The following ADAMTSL4 variants were observed in gnomAD, a reference collection of about 807,000 sequenced individuals.
The protein encoded by ADAMTSL4 is ADAMTS-like protein 4.
ADAMTSL4 carries 97 observed loss-of-function variants against 122.8 expected under a neutral mutation model. That is an observed-to-expected ratio of 0.79 (90% CI 0.67 to 0.93). ADAMTSL4 has a LOEUF of 0.93. Ranked by LOEUF, ADAMTSL4 falls within the 40% of genes least tolerant of loss-of-function variation. The pLI is 0.00. For missense variants in ADAMTSL4, 1,408 were observed against 1,453.5 expected (o/e 0.97, Z 0.51); for synonymous variants, 592 against 568.0 (o/e 1.04, Z -0.60).
rs1301430447 is a variant in ADAMTSL4, at chr1:150,554,924, G to A, written c.1234+457G>A. ...TGAACACACAGAATCATGGGCATCA[G>A]GGATTGCTCCTCTCTCAGTTCAGAG... On this transcript the variant is annotated intron_variant, in intron 7 of 18. Coordinates refer to ENST00000271643, the MANE Select transcript of ADAMTSL4 (RefSeq NM_019032.6). The surrounding 1 kb of genome is among the most constrained non-coding windows in gnomAD (Gnocchi z 4.0). 6.6e-6 allele frequency among the ~76,000 whole-genome samples: 1 copy of A among 151,586 alleles called. No individual in the cohort carries two copies. Among genetic ancestry groups the A allele is most frequent in the Non-Finnish European group, 1.5e-5 (1 of 67,940 alleles).
chr1:150,557,343 A>T lies in ADAMTSL4; in HGVS notation c.2047+8A>T. On this transcript the variant is annotated splice_region_variant and intron_variant, in intron 12 of 18. Transcript: ENST00000271643. ...CAGCGTCCTGCGGGAAAGGTGAGAC[A>T]TCACAGTGCGTTCCCCGCATCTCGG... The T allele has an allele frequency of 6.2e-7, 1 of 1,609,014 alleles. No individual in the cohort carries two copies. The highest frequency in any genetic ancestry group is 8.5e-7 in the Non-Finnish European group (1 of 1,178,128).
At chr1:150,555,220 C>T (rs1202738997) in intron 7 of ADAMTSL4, among the ~76,000 whole-genome samples, 1 of 152,088 alleles carries the variant, frequency 6.6e-6, no homozygotes, top group African/African-American at 2.4e-5. Flanking sequence ...GAACTCCTGA[C>T]CGAATGATGC....
Position 150,553,807 on chromosome 1 carries a change from T to C in ADAMTSL4, c.816T>C (p.Gly272=). ...CACCCACGCACTCCTTAGGAGAAGG[T>C]GGCTTCTTCCGTGCATCCCCTCAGC... is the stretch of plus-strand genomic sequence containing the variant. ...PPSPTHSLGE[G]GFFRASPQPR... Residue 272 remains glycine (G), a synonymous_variant, in exon 6 of 19, where the codon GGT becomes GGC. Transcript: ENST00000271643. 6.2e-7 allele frequency: 1 copy of C among 1,613,910 alleles called. No individual in the cohort carries two copies.
At position 150,553,850 on chromosome 1, in the gene ADAMTSL4, C is replaced by T; in HGVS notation, c.859C>T (p.Gln287Ter). Residue 287 changes from glutamine (Q) to a stop codon, truncating the protein, a stop_gained, in exon 6 of 19, where the codon CAG becomes TAG. Coordinates refer to ENST00000271643, the MANE Select transcript of ADAMTSL4 (RefSeq NM_019032.6). LOFTEE classifies it high-confidence loss of function. ...ASPQPRRPSSQGWASPQVAGR... is the reference protein window; with the variant it reads ...ASPQPRRPSS ...CCCTCAGCCACGAAGGCCAAGTTCC[C>T]AGGGTTGGGCCAGTCCCCAGGTAGC... The T allele has an allele frequency of 6.2e-7, 1 of 1,614,106 alleles. No individual in the cohort carries two copies. Among genetic ancestry groups the T allele is most frequent in the Non-Finnish European group, 8.5e-7 (1 of 1,180,006 alleles).
intron 14 of ADAMTSL4, 42 bp from the exon 15 acceptor site, chr1:150,558,431 G>A: frequency 1.2e-6 from 2 of 1,610,642 alleles, no homozygotes. Flanking sequence ...GGCTGAGAAG[G>A]TCTGGGAAGC....
rs1672559248 is a variant in ADAMTSL4, at chr1:150,559,424, G to T, written c.2901G>T (p.Gly967=). The change falls in exon 17 of 19, where the codon GGG becomes GGT. Residue 967 remains glycine (G), a synonymous_variant. Transcript: ENST00000271643. This position sits in a 1 kb window ranked among gnomAD's most constrained non-coding sequence, Gnocchi z 4.1. The stretch of plus-strand genomic sequence containing the variant: ...CCCCTGCCCTGCAGCCCTGTCAAGG[G>T]CAGGCCTGCCAGGACCGATGGTTTT... The part of the protein sequence containing the change: ...PRPPALQPCQ[G]QACQDRWFST... The T allele has an allele frequency of 6.2e-7, 1 of 1,613,222 alleles. No homozygotes were observed. The highest frequency in any genetic ancestry group is 1.7e-5 in the Admixed American group (1 of 60,006).
In ADAMTSL4 at chr1:150,552,856, C is replaced by T. The variant is rs1327628792; in HGVS notation, c.79-42C>T. ...CTACATGGACACTCTGGACAGTTCC[C>T]TCTAATCCTTCCAATTCTGTCTGAC... On this transcript the variant is annotated intron_variant, in intron 4 of 18. Coordinates refer to ENST00000271643, the MANE Select transcript of ADAMTSL4 (RefSeq NM_019032.6). This position sits in a 1 kb window ranked among gnomAD's most constrained non-coding sequence, Gnocchi z 4.0. The T allele has an allele frequency of 2.5e-6, 4 of 1,591,772 alleles. No individual in the cohort carries two copies. The highest frequency in any genetic ancestry group is 3.4e-6 in the Non-Finnish European group (4 of 1,165,780).
In ADAMTSL4 at chr1:150,553,566, A is replaced by C. The variant is rs774850414; in HGVS notation, c.575A>C (p.Glu192Ala). The part of the protein sequence containing the change: ...ELSLISSRGE[E>A]AIPSPTPRAE... The stretch of plus-strand genomic sequence containing the variant: ...TCCCTGATCTCTTCTAGAGGGGAAG[A>C]GGCTATTCCGTCCCCTACTCCAAGA... Residue 192 changes from glutamate (E) to alanine (A), a missense_variant, in exon 6 of 19, where the codon GAG becomes GCG. Glu to Ala is a moderately radical substitution (Grantham distance 107). Transcript: ENST00000271643. 1.5e-5 allele frequency: 25 copies of C among 1,613,644 alleles called. No individual in the cohort carries two copies. Among genetic ancestry groups the C allele is most frequent in the South Asian group, 2.2e-5 (2 of 91,064 alleles).
In ADAMTSL4 at chr1:150,553,114, G is replaced by C; in HGVS notation, c.295G>C (p.Gly99Arg). The C allele has an allele frequency of 6.2e-7, 1 of 1,613,168 alleles. No homozygotes were observed. The highest frequency in any genetic ancestry group is 8.5e-7 in the Non-Finnish European group (1 of 1,179,736). The change falls in exon 5 of 19, where the codon GGC becomes CGC. Residue 99 changes from glycine (G) to arginine (R), a missense_variant. Coordinates refer to ENST00000271643, the MANE Select transcript of ADAMTSL4 (RefSeq NM_019032.6). ...ACATCCAGAAGCCCTCCTCCCCCGG[G>C]GCCAGGGTCCCAGACCCCAGACTTC... ...PRHPEALLPR[G>R]QGPRPQTSPE...
rs587743126 is a variant in ADAMTSL4, at chr1:150,559,393, C to T, written c.2870C>T (p.Pro957Leu). ...TCTCCGAGCAACTGTTCTCACCTCC[C>T]CAGGCCCCCTGCCCTGCAGCCCTGT... ...VTSPSNCSHLPRPPALQPCQG... is the reference protein window; with the variant it reads ...VTSPSNCSHLLRPPALQPCQG... The change falls in exon 17 of 19, where the codon CCC becomes CTC. Residue 957 changes from proline to leucine, a missense_variant. Coordinates refer to ENST00000271643, the MANE Select transcript of ADAMTSL4 (RefSeq NM_019032.6). The surrounding 1 kb of genome is among the most constrained non-coding windows in gnomAD (Gnocchi z 4.1). 192 of 1,613,742 alleles carry T rather than the reference C, an allele frequency of 1.2e-4. 1 individual carries two copies. In the South Asian group the frequency reaches 2.1e-3, roughly 17 times the overall value.
At chr1:150,555,985 A>T in intron 8 of ADAMTSL4, 177 bp from the exon 9 acceptor site, 2 of 679,728 alleles carry the variant, frequency 2.9e-6, no homozygotes, top group Non-Finnish European at 5.2e-6. Context: ...AGCCTGAAGG[A>T]TCTGATCGGG....
In ADAMTSL4 at chr1:150,555,246, C is replaced by T. The variant is rs111465316; in HGVS notation, c.1235-183C>T. Among the ~76,000 whole-genome samples the T allele has an allele frequency of 0.041, 6,258 of 152,226 alleles. 176 individuals carry two copies. Among genetic ancestry groups the T allele is most frequent in the Non-Finnish European group, 0.058 (3,926 of 68,008 alleles). ...CGAATGATGCACCCACCTCGGCCTC[C>T]CAGAGTGCTGGGATTACAGGCATGA... is the stretch of plus-strand genomic sequence containing the variant. On this transcript the variant is annotated intron_variant, in intron 7 of 18. Coordinates refer to ENST00000271643, the MANE Select transcript of ADAMTSL4 (RefSeq NM_019032.6).
At position 150,552,304 on chromosome 1, in the gene ADAMTSL4, G is replaced by A; in HGVS notation, c.16G>A (p.Gly6Ser). ...AGGGGGAGCGATGGAGAACTGGACT[G>A]GCAGGTGAGAGAAGGGGCCACGGGT... MENWT[G>S]RPWLYLLLLL... Residue 6 changes from glycine (G) to serine (S), a missense_variant, in exon 3 of 19, where the codon GGC (glycine) becomes AGC (serine). Coordinates refer to ENST00000271643, the MANE Select transcript of ADAMTSL4 (RefSeq NM_019032.6). The surrounding 1 kb of genome is among the most constrained non-coding windows in gnomAD (Gnocchi z 4.0). 6.4e-7 allele frequency: 1 copy of A among 1,556,296 alleles called. No homozygotes were observed. Among genetic ancestry groups the A allele is most frequent in the Non-Finnish European group, 8.7e-7 (1 of 1,149,178 alleles).
Position 150,552,595 on chromosome 1 carries a change from CAGG to C in ADAMTSL4, c.77_78+1del. On this transcript the variant is annotated inframe_deletion and splice_region_variant, in exon 4 of 19. Coordinates refer to ENST00000271643, the MANE Select transcript of ADAMTSL4 (RefSeq NM_019032.6). This position sits in a 1 kb window ranked among gnomAD's most constrained non-coding sequence, Gnocchi z 4.0. The stretch of plus-strand genomic sequence containing the variant: ...GTCCCTCCCTCAGCTCTGCTTGGAT[CAGG>C]AGGTGAGTTCTGGACAAGTGAGCAG... 1 of 1,613,794 alleles carries C rather than the reference CAGG, an allele frequency of 6.2e-7. No individual in the cohort carries two copies. The highest frequency in any genetic ancestry group is 1.1e-5 in the South Asian group (1 of 91,050).
At chr1:150,557,361 C>T (rs200338982) in intron 12 of ADAMTSL4, 26 bp downstream of exon 12, 6 of 1,603,496 alleles carry the variant, frequency 3.7e-6, no homozygotes, top group Middle Eastern at 3.5e-4. Context: ...GCGTTCCCCG[C>T]ATCTCGGTCC....
Position 150,552,823 on chromosome 1 carries a change from G to A in ADAMTSL4, c.79-75G>A. On this transcript the variant is annotated intron_variant, in intron 4 of 18. Transcript: ENST00000271643. This position sits in a 1 kb window ranked among gnomAD's most constrained non-coding sequence, Gnocchi z 4.0. ...ACTGGTAGCGACTCCGTGAGCCTCA[G>A]TGTTGGTCTACATGGACACTCTGGA... 6.7e-7 allele frequency: 1 copy of A among 1,485,200 alleles called. No individual in the cohort carries two copies. Among genetic ancestry groups the A allele is most frequent in the Non-Finnish European group, 9.3e-7 (1 of 1,071,366 alleles). The allele number at this position is 1,485,200 out of a possible 1,614,324, so 92.0% of individuals were successfully genotyped here.
rs147688134 is a variant in ADAMTSL4 at position 150,553,051 on chromosome 1, C to T, written c.232C>T (p.Leu78Phe). The stretch of plus-strand genomic sequence containing the variant: ...GACATGTCAGCTCCCTACAGTGCAG[C>T]TCCACCCGAGTCTGCCCCTCCCTCC... ...SRTCQLPTVQ[L>F]HPSLPLPPRP... The change falls in exon 5 of 19, where the codon CTC becomes TTC. Residue 78 changes from leucine (L) to phenylalanine (F), a missense_variant. Coordinates refer to ENST00000271643, the MANE Select transcript of ADAMTSL4 (RefSeq NM_019032.6). 2.2e-4 allele frequency: 349 copies of T among 1,613,384 alleles called. 1 individual carries two copies. In the Middle Eastern group the frequency reaches 3.5e-3, roughly 16 times the overall value.
In ADAMTSL4 at chr1:150,552,707, C is replaced by T; in HGVS notation, c.78+107C>T. 7.0e-7 allele frequency: 1 copy of T among 1,436,288 alleles called. No individual in the cohort carries two copies. The highest frequency in any genetic ancestry group is 9.6e-7 in the Non-Finnish European group (1 of 1,043,660). The allele number at this position is 1,436,288 out of a possible 1,614,324, so 89.0% of individuals were successfully genotyped here. On this transcript the variant is annotated intron_variant, in intron 4 of 18. Coordinates refer to ENST00000271643, the MANE Select transcript of ADAMTSL4 (RefSeq NM_019032.6). This position sits in a 1 kb window ranked among gnomAD's most constrained non-coding sequence, Gnocchi z 4.0. Reference sequence around the variant, plus strand: ...CCACGCCTCCATTCCCCACAGCCCACCCACCTCCCCTGCCAACTCCCCAGT... The same window carrying T: ...CCACGCCTCCATTCCCCACAGCCCATCCACCTCCCCTGCCAACTCCCCAGT...
chr1:150,560,025 ACTCT>A, intron 18 of ADAMTSL4, 31 bp from the exon 19 acceptor site: 1 of 1,613,918 alleles, frequency 6.2e-7, no homozygotes, highest in Non-Finnish European at 8.5e-7. Flanking sequence ...GGTCCTGGTG[ACTCT>A]CTTGTGCCCA....
Sources: gnomAD v4.1 joint callset for allele counts (sites outside exome capture counted in the v4.1 genomes callset) on GRCh38, gnomAD v4.1.1 for gene constraint, Gnocchi (gnomAD v3.1) non-coding constraint, MANE v1.5 for transcripts, NCBI Gene and HGNC (gene_info 2026-07-23, HGNC 2026-07-21) for gene names.